Variants in GIT2 observed in about 807,000 individuals in gnomAD.
GIT2 encodes GIT ArfGAP 2, also known as ARF GTPase-activating protein GIT2.
In GIT2, 32 loss-of-function variants were observed where a neutral mutation model predicts 100.3. The ratio of observed to expected loss-of-function variants is 0.32; its 90% CI spans 0.24 to 0.43. The LOEUF (loss-of-function observed/expected upper bound fraction) is 0.43. Among genes scored for constraint, GIT2 ranks in the 20% least tolerant of loss-of-function variants. The pLI, the probability that GIT2 is intolerant of heterozygous loss-of-function variation, is 1.00. For synonymous variants in GIT2, 353 were observed against 364.1 expected (o/e 0.97, Z 0.35); for missense variants, 737 against 975.1 (o/e 0.76, Z 3.25).
chr12:109,977,926 T>C (rs1885449589), intron 7 of GIT2, among the ~76,000 whole-genome samples: 1 of 152,168 alleles, frequency 6.6e-6, no homozygotes, highest in Non-Finnish European at 1.5e-5. Flanking sequence ...ATGTGTCACT[T>C]TTTCCTGGCT....
chr12:109,953,515 T>G, intron 12 of GIT2: 1 of 294,976 alleles, frequency 3.4e-6, no homozygotes, highest in Non-Finnish European at 6.4e-6. Flanking sequence ...AGCTACTAGC[T>G]ACTCAGGAGG....
At chr12:109,960,934 C>A (rs974358591) in intron 11 of GIT2, among the ~76,000 whole-genome samples, 2 of 152,164 alleles carry the variant, frequency 1.3e-5, no homozygotes, top group Admixed American at 1.3e-4. Flanking sequence ...CTTACCACAT[C>A]CTTACCAGTT....
Position 109,947,808 on chromosome 12 carries a change from A to G in GIT2, c.1393-304T>C. On this transcript the variant is annotated intron_variant, in intron 14 of 19. Coordinates refer to ENST00000355312, the MANE Select transcript of GIT2 (RefSeq NM_057169.5). This position sits in a 1 kb window ranked among gnomAD's most constrained non-coding sequence, Gnocchi z 4.3. ...AAATTTGTCATGGTGGGGCTGGGAA[A>G]TGTTTGCAGGCAAGCTGTACACTGG... 3.0e-6 allele frequency: 1 copy of G among 333,218 alleles called. No individual in the cohort carries two copies. Among genetic ancestry groups the G allele is most frequent in the Non-Finnish European group, 5.6e-6 (1 of 177,268 alleles). The allele number at this position is 333,218 out of a possible 1,614,324, so 20.6% of individuals were successfully genotyped here.
chr12:109,994,029 T>C (rs1317534672), intron 1 of GIT2, among the ~76,000 whole-genome samples: 1 of 140,150 alleles, frequency 7.1e-6, no homozygotes, highest in Non-Finnish European at 1.5e-5. Flanking sequence ...TCTACAAAGA[T>C]GCATTAACAA....
At position 109,976,386 on chromosome 12, in the gene GIT2, G is replaced by T. The variant is rs530025820; in HGVS notation, c.718+4566C>A. The stretch of plus-strand genomic sequence containing the variant: ...TACAAGCTCCGCCTCCCGGGTTCAC[G>T]CCATCCTCCTGCCTCAGCCTCCCGA... On this transcript the variant is annotated intron_variant, in intron 7 of 19. Transcript: ENST00000355312. Among the ~76,000 whole-genome samples the T allele has an allele frequency of 3.0e-3, 445 of 148,670 alleles. 2 individuals are homozygous for T. The highest frequency in any genetic ancestry group is 0.017 in the Middle Eastern group (5 of 286).
At chr12:109,988,490 C>T (rs927133763) in intron 4 of GIT2, among the ~76,000 whole-genome samples, 4 of 151,738 alleles carry the variant, frequency 2.6e-5, no homozygotes, top group Middle Eastern at 3.2e-3. Context: ...TGCAGTGAAC[C>T]GTGATTGCAC....
At chr12:109,979,010 AG>A (rs139218520) in intron 7 of GIT2, among the ~76,000 whole-genome samples, 3,450 of 152,318 alleles carry the variant, frequency 0.023, 136 homozygotes, top group African/African-American at 0.078. Flanking sequence ...GCAACTGACC[AG>A]GTGAGGTTCT....
chr12:109,976,282 A>ATT (rs1565996449), intron 7 of GIT2, among the ~76,000 whole-genome samples: 2 of 148,826 alleles, frequency 1.3e-5, no homozygotes, highest in African/African-American at 5.1e-5. Flanking sequence ...CCTACTAGAT[A>ATT]ATTTTTTTTT....
In GIT2 at chr12:109,930,674, T is replaced by G. The variant is rs541914569; in HGVS notation, c.*2304A>C. ...TATTCTTACAACTGGAAATGCTTTG[T>G]TGGTCCCCATGTTCCTTGACTTTCT... On this transcript the variant is annotated 3_prime_UTR_variant, in exon 20 of 20. Transcript: ENST00000355312. 2 of 152,350 alleles carry G rather than the reference T, an allele frequency of 1.3e-5. No individual in the cohort carries two copies. Among genetic ancestry groups the G allele is most frequent in the African/African-American group, 4.8e-5 (2 of 41,586 alleles). 9.4% of individuals were successfully genotyped at this position (152,350 alleles called of 1,614,324 possible). A position where few individuals can be genotyped will look rare whatever the true frequency, so the allele number is the denominator to read the frequency against.
At chr12:109,996,652 A>G (rs1889481861), upstream of GIT2, among the ~76,000 whole-genome samples, 1 of 152,250 alleles carries the variant, frequency 6.6e-6, no homozygotes, top group Non-Finnish European at 1.5e-5. Flanking sequence ...TTGATTCAAC[A>G]AATGTTTATC....
chr12:109,938,603 G>A (rs898194274), intron 17 of GIT2, 35 bp from the exon 18 acceptor site: 2 of 1,472,988 alleles, frequency 1.4e-6, no homozygotes, highest in African/African-American at 2.8e-5. Context: ...AATACAGCAG[G>A]TGCTTATCAG....
chr12:109,960,604 A>G (rs750115474), intron 11 of GIT2, among the ~76,000 whole-genome samples: 3 of 152,176 alleles, frequency 2.0e-5, no homozygotes, highest in Admixed American at 6.5e-5. Flanking sequence ...AATTTAAGTT[A>G]AACAAAATCA....
intron 12 of GIT2, among the ~76,000 whole-genome samples, chr12:109,955,933 C>CTTT (rs555382794): frequency 7.2e-6 from 1 of 138,962 alleles, no homozygotes; most frequent in African/African-American, 2.7e-5. Context: ...CAGGTGTGCA[C>CTTT]TTTTTTTTTT....
At chr12:109,945,791 A>G (rs1876157064) in intron 15 of GIT2, among the ~76,000 whole-genome samples, 1 of 152,208 alleles carries the variant, frequency 6.6e-6, no homozygotes, top group African/African-American at 2.4e-5. Flanking sequence ...ACACTGAAAA[A>G]TAACAAAGTT....
At chr12:109,961,456 G>T (rs781351652) in intron 10 of GIT2, 81 bp from the exon 11 acceptor site, 1 of 987,198 alleles carries the variant, frequency 1.0e-6, no homozygotes, top group Non-Finnish European at 1.6e-6. Context: ...CACGCACTAC[G>T]AGGGGAAACA....
chr12:109,951,945 G>A (rs966849389), intron 13 of GIT2, among the ~76,000 whole-genome samples: 1 of 152,176 alleles, frequency 6.6e-6, no homozygotes, highest in Non-Finnish European at 1.5e-5. Context: ...GCCTGCAGTG[G>A]AGCTCAGCTA....
rs1396777478 is a variant in GIT2, at chr12:109,948,109, A to G, written c.1393-605T>C. 1 of 948,154 alleles carries G rather than the reference A, an allele frequency of 1.1e-6. No homozygotes were observed. Among genetic ancestry groups the G allele is most frequent in the African/African-American group, 1.8e-5 (1 of 56,472 alleles). The allele number at this position is 948,154 out of a possible 1,614,324, so 58.7% of individuals were successfully genotyped here. A position where few individuals can be genotyped will look rare whatever the true frequency, so the allele number is the denominator to read the frequency against. ...ACATAATACTCTTGATATTCCAAACAATTCAGCACTTTGTAAAAAAAAAAA... is the reference window on the plus strand; with the variant it reads ...ACATAATACTCTTGATATTCCAAACGATTCAGCACTTTGTAAAAAAAAAAA... On this transcript the variant is annotated intron_variant, in intron 14 of 19. Transcript: ENST00000355312. The surrounding 1 kb of genome is among the most constrained non-coding windows in gnomAD (Gnocchi z 4.3).
At chr12:109,951,015 A>T in intron 14 of GIT2, 152 bp downstream of exon 14, 1 of 701,692 alleles carries the variant, frequency 1.4e-6, no homozygotes, top group Non-Finnish European at 2.5e-6. Flanking sequence ...ATCCAAATAC[A>T]TCCTGCTTCA....
chr12:109,930,809 C>T lies in GIT2; in HGVS notation c.*2169G>A, dbSNP rs977070804. The T allele has an allele frequency of 4.6e-5, 7 of 152,240 alleles. No individual in the cohort carries two copies. The highest frequency in any genetic ancestry group is 1.3e-4 in the Admixed American group (2 of 15,280). 9.4% of individuals were successfully genotyped at this position (152,240 alleles called of 1,614,324 possible). The stretch of plus-strand genomic sequence containing the variant: ...TTTCCCAGAAGCCTCTACAGAAGCC[C>T]GTCCTCCCTGGGACAGCAGGGGCAG... On this transcript the variant is annotated 3_prime_UTR_variant, in exon 20 of 20. Coordinates refer to ENST00000355312, the MANE Select transcript of GIT2 (RefSeq NM_057169.5).
Sources: gnomAD v4.1 joint callset for allele counts (sites outside exome capture counted in the v4.1 genomes callset) on GRCh38, gnomAD v4.1.1 for gene constraint, Gnocchi (gnomAD v3.1) non-coding constraint, MANE v1.5 for transcripts, NCBI Gene and HGNC (gene_info 2026-07-23, HGNC 2026-07-21) for gene names.